Variants in PLA2G4A observed in about 807,000 individuals in gnomAD.
PLA2G4A encodes phospholipase A2 group IVA.
In PLA2G4A, 40 loss-of-function variants were observed where a neutral mutation model predicts 81.9. The ratio of observed to expected loss-of-function variants is 0.49; its 90% confidence interval spans 0.38 to 0.64. The LOEUF is 0.64. Among genes scored for constraint, PLA2G4A ranks in the 30% least tolerant of loss-of-function variants. The pLI is 0.00. For synonymous variants in PLA2G4A, 302 were observed against 296.9 expected (o/e 1.02, Z -0.18); for missense variants, 715 against 905.1 (o/e 0.79, Z 2.69).
chr1:186,982,161 G>T (rs1657743187), intron 17 of PLA2G4A, among the ~76,000 whole-genome samples: 1 of 152,158 alleles, frequency 6.6e-6, no homozygotes, highest in Non-Finnish European at 1.5e-5. Flanking sequence ...TAAACTTGAC[G>T]CTAAAAGCAT....
At chr1:186,983,678 A>G (rs1657800660) in intron 17 of PLA2G4A, among the ~76,000 whole-genome samples, 1 of 148,368 alleles carries the variant, frequency 6.7e-6, no homozygotes, top group Non-Finnish European at 1.5e-5. Flanking sequence ...TGCTTGTACA[A>G]TTACAGTAGT....
intron 7 of PLA2G4A, among the ~76,000 whole-genome samples, chr1:186,913,983 T>A (rs1047016104): frequency 6.6e-6 from 1 of 152,336 alleles, no homozygotes; most frequent in South Asian, 2.1e-4. Context: ...GATGAGATGC[T>A]GCTTAAGGGG....
intron 15 of PLA2G4A, among the ~76,000 whole-genome samples, chr1:186,967,206 TA>T (rs983611659): frequency 2.0e-5 from 3 of 152,148 alleles, no homozygotes; most frequent in African/African-American, 7.2e-5. Flanking sequence ...CTTAAATATA[TA>T]GAAAACCTTA....
rs563800946 is a variant in PLA2G4A at position 186,911,248 on chromosome 1, C to T, written c.417C>T (p.Cys139=). Residue 139 remains cysteine, a splice_region_variant and synonymous_variant, in exon 7 of 18, where the codon TGC becomes TGT. Coordinates refer to ENST00000367466, the MANE Select transcript of PLA2G4A (RefSeq NM_024420.3). ...EMVLEMSLEV[C]SCPDLRFSMA... is the part of the protein sequence containing the mutation. ...TGACTTTATCTGTTTGGTATTACAG[C>T]TCATGCCCAGACCTACGATTTAGTA... 3 of 1,613,090 alleles carry T rather than the reference C, an allele frequency of 1.9e-6. No homozygotes were observed. In the Admixed American group the frequency reaches 5.0e-5, roughly 27 times the overall value.
chr1:186,960,749 T>G (rs891260250), intron 14 of PLA2G4A, among the ~76,000 whole-genome samples: 1 of 152,190 alleles, frequency 6.6e-6, no homozygotes, highest in Non-Finnish European at 1.5e-5. Flanking sequence ...AATTTACTTA[T>G]AAAATAAAAA....
At chr1:186,885,936 AAG>A (rs1653920871) in intron 3 of PLA2G4A, among the ~76,000 whole-genome samples, 1 of 152,156 alleles carries the variant, frequency 6.6e-6, no homozygotes, top group Non-Finnish European at 1.5e-5. Context: ...AAGCATTGGG[AAG>A]AGAGAGGGAA....
intron 11 of PLA2G4A, 43 bp downstream of exon 11, chr1:186,946,817 A>C: frequency 1.9e-6 from 3 of 1,597,536 alleles, no homozygotes; most frequent in Non-Finnish European, 2.6e-6. Context: ...TTGCTTGACT[A>C]TTTTGAAACC....
At chr1:186,938,939 C>T (rs368835568) in intron 8 of PLA2G4A, 69 bp from the exon 9 acceptor site, 20 of 829,448 alleles carry the variant, frequency 2.4e-5, no homozygotes, top group African/African-American at 2.2e-4. Flanking sequence ...ACAGAGTGTG[C>T]CTTCTTTCTT....
rs1656355484 is a variant in PLA2G4A, at chr1:186,946,625, A to ATC, written c.1034-12_1034-11insTC. The stretch of plus-strand genomic sequence containing the variant: ...CTATTAATGGATTGCCTTGTTTTTA[A>ATC]AATACTTTCAGATTGGGTTGAATTT... On this transcript the variant is annotated splice_polypyrimidine_tract_variant and intron_variant, in intron 10 of 17. Transcript: ENST00000367466. The ATC allele has an allele frequency of 2.5e-6, 4 of 1,599,874 alleles. No homozygotes were observed. Among genetic ancestry groups the ATC allele is most frequent in the Non-Finnish European group, 3.4e-6 (4 of 1,167,760 alleles).
At chr1:186,965,704 A>G in intron 15 of PLA2G4A, 111 bp downstream of exon 15, 1 of 816,476 alleles carries the variant, frequency 1.2e-6, no homozygotes, top group Non-Finnish European at 2.1e-6. Context: ...TATTTTCTAC[A>G]TCTTTATGAG....
Position 186,870,414 on chromosome 1 carries a change from T to G in PLA2G4A, c.34-21T>G, listed in dbSNP as rs771371856. ...TCTATGTTGGAAGCTTATTTTAAATTTACTGTCATTTTATTTCCAGGTGGA... is the reference window on the plus strand; with the variant it reads ...TCTATGTTGGAAGCTTATTTTAAATGTACTGTCATTTTATTTCCAGGTGGA... On this transcript the variant is annotated intron_variant, in intron 2 of 17. Transcript: ENST00000367466. The G allele has an allele frequency of 1.2e-5, 17 of 1,434,684 alleles. No homozygotes were observed. The Admixed American group carries it at 1.7e-4, about 14-fold the overall frequency. 88.9% of individuals were successfully genotyped at this position (1,434,684 alleles called of 1,614,324 possible).
At chr1:186,932,007 T>G (rs1347441857) in intron 7 of PLA2G4A, among the ~76,000 whole-genome samples, 2 of 152,164 alleles carry the variant, frequency 1.3e-5, no homozygotes, top group Non-Finnish European at 2.9e-5. Context: ...AGGTGCTTAC[T>G]CAACTATGAA....
intron 16 of PLA2G4A, among the ~76,000 whole-genome samples, chr1:186,978,678 T>C (rs138226075): frequency 2.2e-4 from 34 of 152,292 alleles, no homozygotes; most frequent in African/African-American, 7.5e-4. Context: ...TTGGCATGTG[T>C]AGGGGATTTC....
intron 3 of PLA2G4A, among the ~76,000 whole-genome samples, chr1:186,873,107 G>C (rs536290915): frequency 6.7e-6 from 1 of 148,624 alleles, no homozygotes; most frequent in South Asian, 2.2e-4. Context: ...GAACATGAAG[G>C]AGTGTTAGAG....
intron 17 of PLA2G4A, among the ~76,000 whole-genome samples, chr1:186,985,995 T>C (rs1227962019): frequency 6.6e-6 from 1 of 152,212 alleles, no homozygotes; most frequent in Non-Finnish European, 1.5e-5. Context: ...GGGCTTGATT[T>C]TTTCTATCAC....
intron 12 of PLA2G4A, among the ~76,000 whole-genome samples, chr1:186,949,503 G>C (rs185152411): frequency 6.6e-6 from 1 of 151,936 alleles, no homozygotes; most frequent in Non-Finnish European, 1.5e-5. Context: ...ATGGCACCTG[G>C]GATAGATCAT....
intron 3 of PLA2G4A, among the ~76,000 whole-genome samples, chr1:186,889,366 T>C (rs12088010): frequency 0.24 from 36,077 of 152,080 alleles, 7,077 homozygotes; most frequent in African/African-American, 0.54. Flanking sequence ...ATGCAGACAA[T>C]GGGTCTTCGG....
chr1:186,949,009 A>G (rs1656439170), intron 12 of PLA2G4A, among the ~76,000 whole-genome samples: 3 of 152,124 alleles, frequency 2.0e-5, no homozygotes, highest in Admixed American at 2.0e-4. Context: ...CTTCCTTCTG[A>G]AGAAAGACTT....
Position 186,957,489 on chromosome 1 carries a change from A to T in PLA2G4A, c.1579+1145A>T, listed in dbSNP as rs16826185. On this transcript the variant is annotated intron_variant, in intron 14 of 17. Transcript: ENST00000367466. ...TAGCTTCTGTCTCATTTTCTGTTTCAGATTTTATGTGACTGACTGTTTCTC... is the reference window on the plus strand; with the variant it reads ...TAGCTTCTGTCTCATTTTCTGTTTCTGATTTTATGTGACTGACTGTTTCTC... Among the ~76,000 whole-genome samples, 682 of 152,322 alleles carry T rather than the reference A, an allele frequency of 4.5e-3. 8 individuals are homozygous for T. Among genetic ancestry groups the T allele is most frequent in the African/African-American group, 0.015 (643 of 41,564 alleles).
Sources: allele counts gnomAD v4.1 joint callset (sites outside exome capture counted in the v4.1 genomes callset), GRCh38; gene constraint gnomAD v4.1.1; transcripts MANE v1.5; gene names NCBI Gene and HGNC (gene_info 2026-07-23, HGNC 2026-07-21).